Variants in IL34 observed in about 807,000 individuals in gnomAD.
IL34 encodes the protein interleukin 34, also known as interleukin-34.
IL34 carries 17 observed loss-of-function variants against 25.3 expected under a neutral mutation model. The observed-to-expected ratio is 0.67, with a 90% confidence interval of 0.46 to 1.01. The LOEUF is 1.01. Among genes scored for constraint, IL34 ranks in the 50% least tolerant of loss-of-function variants. The pLI, the probability that IL34 is intolerant of heterozygous loss-of-function variation, is 0.00. For synonymous variants in IL34, 174 were observed against 140.9 expected (o/e 1.23, Z -1.66); for missense variants, 368 against 312.9 (o/e 1.18, Z -1.33).
chr16:70,592,107 A>G (rs1008436696), intron 1 of IL34, among the ~76,000 whole-genome samples: 2 of 151,696 alleles, frequency 1.3e-5, no homozygotes, highest in South Asian at 2.1e-4. Flanking sequence ...CTCCAGGTTC[A>G]TTCTTGTCTC....
intron 1 of IL34, among the ~76,000 whole-genome samples, chr16:70,600,434 C>T (rs1202509585): frequency 2.6e-5 from 4 of 152,164 alleles, no homozygotes; most frequent in Admixed American, 1.3e-4. Flanking sequence ...TGGTGCTAGG[C>T]ACATGGCACC....
chr16:70,633,373 C>G (rs748579174), intron 1 of IL34, among the ~76,000 whole-genome samples: 1 of 151,950 alleles, frequency 6.6e-6, no homozygotes, highest in Non-Finnish European at 1.5e-5. Context: ...CCTGCCTCAG[C>G]CTCCTGAGTA....
chr16:70,652,309 A>C (rs1017609621), intron 1 of IL34, among the ~76,000 whole-genome samples: 2 of 151,266 alleles, frequency 1.3e-5, no homozygotes, highest in Non-Finnish European at 2.9e-5. Flanking sequence ...TTAAAAAAAA[A>C]ATTAGCTGGG....
At chr16:70,621,556 A>C (rs2051282667) in intron 1 of IL34, among the ~76,000 whole-genome samples, 1 of 152,082 alleles carries the variant, frequency 6.6e-6, no homozygotes, top group Non-Finnish European at 1.5e-5. Context: ...GAACAGGAGG[A>C]CAGGGGATTG....
chr16:70,581,931 A>C (rs2050639652), intron 1 of IL34, among the ~76,000 whole-genome samples: 1 of 134,516 alleles, frequency 7.4e-6, no homozygotes, highest in Non-Finnish European at 1.7e-5. Context: ...AAAACAAAAA[A>C]CAAAAACAAA....
intron 1 of IL34, among the ~76,000 whole-genome samples, chr16:70,620,978 G>A (rs2051269054): frequency 1.3e-5 from 2 of 152,110 alleles, no homozygotes; most frequent in East Asian, 1.9e-4. Flanking sequence ...GGGGTGGAGG[G>A]TTCTTGCCCT....
chr16:70,581,636 G>C (rs2050636824), intron 1 of IL34, among the ~76,000 whole-genome samples: 1 of 152,176 alleles, frequency 6.6e-6, no homozygotes, highest in Admixed American at 6.5e-5. Flanking sequence ...GATTTCTCAG[G>C]AAGGGGACAG....
In IL34 at chr16:70,636,216, C is replaced by G. The variant is rs138417276; in HGVS notation, c.-400-10332C>G. Among the ~76,000 whole-genome samples the G allele has an allele frequency of 7.8e-3, 1,190 of 151,648 alleles. 15 individuals carry two copies. Among genetic ancestry groups the G allele is most frequent in the African/African-American group, 0.024 (1,001 of 41,338 alleles). On this transcript the variant is annotated intron_variant, in intron 1 of 6. Transcript: ENST00000429149. ...ACCACGCCCAGCTAATTTTTGTGTT[C>G]TTAGTAGAGACAGAGTTTCTCCATA...
chr16:70,641,167 G>A (rs2151862347), intron 1 of IL34, among the ~76,000 whole-genome samples: 1 of 152,220 alleles, frequency 6.6e-6, no homozygotes, highest in Non-Finnish European at 1.5e-5. Context: ...ATAGCTGCTT[G>A]GGAGGCTAAG....
chr16:70,621,307 C>G (rs933186459), intron 1 of IL34, among the ~76,000 whole-genome samples: 1 of 152,042 alleles, frequency 6.6e-6, no homozygotes, highest in Non-Finnish European at 1.5e-5. Context: ...TGACTGGCAC[C>G]GGAGTTTTGG....
At position 70,624,642 on chromosome 16, in the gene IL34, A is replaced by T. The variant is rs1055531247; in HGVS notation, c.-400-21906A>T. ...ATCTGATTTGGGATAAAGAAAAAGG[A>T]GCATTCACCTTGACTATGCCTTTAG... On this transcript the variant is annotated intron_variant, in intron 1 of 6. Transcript: ENST00000429149. Among the ~76,000 whole-genome samples, 3 of 152,134 alleles carry T rather than the reference A, an allele frequency of 2.0e-5. No individual in the cohort carries two copies. In the East Asian group the frequency reaches 5.8e-4, roughly 29 times the overall value.
chr16:70,599,740 T>C (rs1448330832), intron 1 of IL34, among the ~76,000 whole-genome samples: 1 of 150,952 alleles, frequency 6.6e-6, no homozygotes, highest in Non-Finnish European at 1.5e-5. Flanking sequence ...AGTGGTGTGA[T>C]CACAGCTTAC....
intron 1 of IL34, among the ~76,000 whole-genome samples, chr16:70,615,263 C>G (rs1302219906): frequency 2.6e-5 from 4 of 152,170 alleles, no homozygotes; most frequent in Admixed American, 2.0e-4. Flanking sequence ...AATCCCAGCA[C>G]TTTGGGAGGC....
intron 1 of IL34, among the ~76,000 whole-genome samples, chr16:70,599,556 C>T (rs1279293883): frequency 3.4e-5 from 5 of 148,690 alleles, no homozygotes; most frequent in Admixed American, 2.0e-4. Flanking sequence ...TTAGTAGAGA[C>T]GGGGTTTCGC....
chr16:70,620,547 G>C (rs1175485275), intron 1 of IL34, among the ~76,000 whole-genome samples: 2 of 152,098 alleles, frequency 1.3e-5, no homozygotes, highest in Non-Finnish European at 2.9e-5. Flanking sequence ...AGAAAAGGAA[G>C]ATTAGAAAGA....
intron 1 of IL34, among the ~76,000 whole-genome samples, chr16:70,636,007 G>A (rs2051633856): frequency 6.6e-6 from 1 of 151,482 alleles, no homozygotes; most frequent in South Asian, 2.1e-4. Flanking sequence ...GAACCCAAAA[G>A]GTGTAGCTTC....
At chr16:70,638,015 G>A (rs1037686569) in intron 1 of IL34, among the ~76,000 whole-genome samples, 1 of 152,042 alleles carries the variant, frequency 6.6e-6, no homozygotes, top group African/African-American at 2.4e-5. Context: ...GATATCCCAG[G>A]CATTCAGCTT....
intron 3 of IL34, 79 bp from the exon 4 acceptor site, chr16:70,656,881 G>A (rs2052238183): frequency 1.3e-6 from 2 of 1,484,750 alleles, no homozygotes; most frequent in African/African-American, 2.8e-5. Flanking sequence ...CCTATGCAGG[G>A]GCAAGTCCCT....
intron 1 of IL34, among the ~76,000 whole-genome samples, chr16:70,653,405 T>C (rs551315159): frequency 1.9e-4 from 28 of 150,404 alleles, no homozygotes; most frequent in African/African-American, 6.9e-4. Context: ...ACTTTTTCAT[T>C]TGAATAAAAT....
Sources: gnomAD v4.1 joint callset for allele counts (sites outside exome capture counted in the v4.1 genomes callset) on GRCh38, gnomAD v4.1.1 for gene constraint, MANE v1.5 for transcripts, NCBI Gene and HGNC (gene_info 2026-07-23, HGNC 2026-07-21) for gene names.